PSMD12: variants seen among roughly 807,000 people sequenced by gnomAD.
PSMD12 encodes 26S proteasome non-ATPase regulatory subunit 12.
A neutral mutation model predicts 62.9 loss-of-function variants in PSMD12; 8 were observed. The observed-to-expected ratio is 0.13, with a 90% CI of 0.07 to 0.23. The LOEUF is 0.23. PSMD12 is among the 10% of genes least tolerant of loss of function. PSMD12 has a pLI of 1.00. For missense variants in PSMD12, 424 were observed against 550.2 expected, an observed-to-expected ratio of 0.77 and a Z score of 2.29; for synonymous variants, 173 against 187.4, an observed-to-expected ratio of 0.92 and a Z score of 0.63.
chr17:67,346,992 A>C (rs1026552850), intron 7 of PSMD12, 124 bp downstream of exon 7: 1 of 1,057,482 alleles, frequency 9.5e-7, no homozygotes, highest in Non-Finnish European at 1.4e-6. Flanking sequence ...ACTGAACAAC[A>C]CTGAATAGAA....
intron 9 of PSMD12, 98 bp from the exon 10 acceptor site, chr17:67,342,361 T>A (rs1052527407): frequency 3.8e-6 from 3 of 796,328 alleles, no homozygotes; most frequent in Non-Finnish European, 6.2e-6. Flanking sequence ...CTTAAAATGT[T>A]AGACTCAGAG....
chr17:67,356,995 G>A (rs1409957915), intron 3 of PSMD12, among the ~76,000 whole-genome samples: 1 of 152,128 alleles, frequency 6.6e-6, no homozygotes, highest in African/African-American at 2.4e-5. Context: ...GGGTGACAGA[G>A]TGAGACCCTG....
At position 67,347,248 on chromosome 17, in the gene PSMD12, T is replaced by G; in HGVS notation, c.663A>C (p.Lys221Asn). The change falls in exon 7 of 11, where the codon AAA becomes AAC. Residue 221 changes from lysine (K) to asparagine (N), a missense_variant and splice_region_variant. Lys to Asn is a moderately conservative substitution (Grantham distance 94). Coordinates refer to ENST00000356126, the MANE Select transcript of PSMD12 (RefSeq NM_002816.5). ...TTAAATTATAGTACTTCAACTTTAA[T>G]TTCTGCAAAAAAGTTGACAAAACAA... ...TKFFQEENTE[K>N]LKLKYYNLMI... The G allele has an allele frequency of 6.2e-7, 1 of 1,612,892 alleles. No homozygotes were observed.
rs769995079 is a variant in PSMD12, at chr17:67,357,426, G to A, written c.174C>T (p.Ser58=). 22 of 1,613,362 alleles carry A rather than the reference G, an allele frequency of 1.4e-5. No individual in the cohort carries two copies. The highest frequency in any genetic ancestry group is 1.6e-4 in the Middle Eastern group (1 of 6,078). Residue 58 remains serine, a synonymous_variant, in exon 3 of 11, where the codon TCC becomes TCT. Transcript: ENST00000356126. ...AGATACGGGATGTCGATACCATATC[G>A]GAAGCCTGTAAGGGTAAAAATATAT... is the stretch of plus-strand genomic sequence containing the variant. ...LSLEKQTRTA[S]DMVSTSRILV...
At chr17:67,345,619 G>A (rs933602272) in intron 8 of PSMD12, 126 bp downstream of exon 8, 33 of 744,110 alleles carry the variant, frequency 4.4e-5, no homozygotes, top group Non-Finnish European at 7.2e-5. Flanking sequence ...TCCAGTGTGG[G>A]CAACAATAGT....
chr17:67,340,872 T>C lies in PSMD12; in HGVS notation c.1342A>G (p.Lys448Glu). The change falls in exon 11 of 11, where the codon AAA (lysine) becomes GAA (glutamate). Residue 448 changes from lysine (K) to glutamate (E), a missense_variant. Lys to Glu is a moderately conservative substitution (Grantham distance 56, BLOSUM62 1). Coordinates refer to ENST00000356126, the MANE Select transcript of PSMD12 (RefSeq NM_002816.5). ...TGTAGATTATGTATCATCTCCTCTT[T>C]GGCTATGAGATGCGTAGTTTTGTTA... ...LVNKTTHLIAKEEMIHNLQ is the reference protein window; with the variant it reads ...LVNKTTHLIAEEEMIHNLQ 2 of 1,587,434 alleles carry C rather than the reference T, an allele frequency of 1.3e-6. No homozygotes were observed. Among genetic ancestry groups the C allele is most frequent in the East Asian group, 2.3e-5 (1 of 43,954 alleles).
chr17:67,338,946 A>G lies in PSMD12; in HGVS notation c.*1897T>C, dbSNP rs1016747637. On this transcript the variant is annotated 3_prime_UTR_variant, in exon 11 of 11. Transcript: ENST00000356126. Reference sequence around the variant, plus strand: ...TCCAGGTTTGACAAGCCCACAGGTAATGAGTCTCTAGAAAGATGAAGTTAT... The same window carrying G: ...TCCAGGTTTGACAAGCCCACAGGTAGTGAGTCTCTAGAAAGATGAAGTTAT... The G allele has an allele frequency of 6.6e-6, 1 of 152,196 alleles. No homozygotes were observed. Among genetic ancestry groups the G allele is most frequent in the Non-Finnish European group, 1.5e-5 (1 of 68,032 alleles). 9.4% of individuals were successfully genotyped at this position (152,196 alleles called of 1,614,324 possible). A position where few individuals can be genotyped will look rare whatever the true frequency, so the allele number is the denominator to read the frequency against.
At position 67,347,198 on chromosome 17, in the gene PSMD12, C is replaced by G; in HGVS notation, c.713G>C (p.Gly238Ala). ...NLMIQLDQHE[G>A]SYLSICKHYR... ...GTGCTTACAAATAGACAAATAGGAT[C>G]CCTCATGTTGATCCAGCTGAATCAT... The change falls in exon 7 of 11, where the codon GGA becomes GCA. Residue 238 changes from glycine (G) to alanine (A), a missense_variant. Physicochemically the swap from Gly to Ala is moderately conservative, Grantham distance 60. Transcript: ENST00000356126. 1 of 1,613,590 alleles carries G rather than the reference C, an allele frequency of 6.2e-7. No individual in the cohort carries two copies. The highest frequency in any genetic ancestry group is 8.5e-7 in the Non-Finnish European group (1 of 1,179,670).
At chr17:67,353,372 T>C (rs182048689) in intron 3 of PSMD12, among the ~76,000 whole-genome samples, 1 of 150,558 alleles carries the variant, frequency 6.6e-6, no homozygotes. Context: ...TAGAGTGCGA[T>C]CTTGGCTCAC....
rs2042041356 is a variant in PSMD12, at chr17:67,353,752, CATA to C, written c.298-3419_298-3417del. Among the ~76,000 whole-genome samples the C allele has an allele frequency of 3.9e-5, 6 of 152,222 alleles. No homozygotes were observed. The South Asian group carries it at 1.2e-3, about 32-fold the overall frequency. ...TAAGAACTTTCCATAGCTATGAAGA[CATA>C]ATATGTTACAGGGAAAGGAGCATGC... On this transcript the variant is annotated intron_variant, in intron 3 of 10. Transcript: ENST00000356126.
chr17:67,352,578 G>A (rs929901115), intron 3 of PSMD12, among the ~76,000 whole-genome samples: 3 of 152,158 alleles, frequency 2.0e-5, no homozygotes, highest in African/African-American at 7.2e-5. Context: ...TACATTAACA[G>A]AAATCAGATG....
rs558075035 is a variant in PSMD12, at chr17:67,343,004, A to G, written c.1084-741T>C. ...TCATCACTTTACCATTATTCCAATG[A>G]CTTAAAGATAGCTTCAAATTAAATT... On this transcript the variant is annotated intron_variant, in intron 9 of 10. Coordinates refer to ENST00000356126, the MANE Select transcript of PSMD12 (RefSeq NM_002816.5). Among the ~76,000 whole-genome samples the G allele has an allele frequency of 1.1e-3, 162 of 152,054 alleles. 4 individuals are homozygous for G. The South Asian group carries it at 0.032, about 30-fold the overall frequency.
chr17:67,363,527 T>A, intron 1 of PSMD12, among the ~76,000 whole-genome samples: 1 of 152,342 alleles, frequency 6.6e-6, no homozygotes, highest in East Asian at 1.9e-4. Context: ...AAGAACACTA[T>A]TCTTTTTACC....
At chr17:67,342,659 G>A (rs1185729483) in intron 9 of PSMD12, among the ~76,000 whole-genome samples, 3 of 151,888 alleles carry the variant, frequency 2.0e-5, no homozygotes, top group South Asian at 2.1e-4. Flanking sequence ...GAGATCGATC[G>A]GGTGCAGGGA....
At chr17:67,360,061 TCTCCACTA>T in intron 1 of PSMD12, among the ~76,000 whole-genome samples, 1 of 152,162 alleles carries the variant, frequency 6.6e-6, no homozygotes, top group African/African-American at 2.4e-5. Flanking sequence ...TCCAAAGCTC[TCTCCACTA>T]GAGTGCAGCG....
At chr17:67,346,240 A>G (rs11869964) in intron 7 of PSMD12, among the ~76,000 whole-genome samples, 31,388 of 151,956 alleles carry the variant, frequency 0.21, 3,892 homozygotes, top group South Asian at 0.32. Flanking sequence ...TAAAAAATAC[A>G]AAAAATTGGC....
At chr17:67,355,698 A>C (rs2042062201) in intron 3 of PSMD12, among the ~76,000 whole-genome samples, 1 of 152,212 alleles carries the variant, frequency 6.6e-6, no homozygotes, top group African/African-American at 2.4e-5. Flanking sequence ...CTACTTGTAC[A>C]GGGGAACATT....
chr17:67,348,112 A>T (rs1328766971), intron 5 of PSMD12, among the ~76,000 whole-genome samples: 2 of 152,154 alleles, frequency 1.3e-5, no homozygotes, highest in Non-Finnish European at 2.9e-5. Context: ...ACGTAAACAT[A>T]AGTTTTCATT....
In PSMD12 at chr17:67,350,327, T is replaced by C; in HGVS notation, c.307A>G (p.Lys103Glu). 6.3e-7 allele frequency: 1 copy of C among 1,599,816 alleles called. No individual in the cohort carries two copies. Among genetic ancestry groups the C allele is most frequent in the Non-Finnish European group, 8.5e-7 (1 of 1,174,540 alleles). The change falls in exon 4 of 11, where the codon AAA becomes GAA. Residue 103 changes from lysine to glutamate, a missense_variant. Physicochemically the swap from Lys to Glu is moderately conservative, Grantham distance 56 (BLOSUM62 1). Coordinates refer to ENST00000356126, the MANE Select transcript of PSMD12 (RefSeq NM_002816.5). ...TAAGTACAGCACTGTTGAACCATTT[T>C]GGCAACAGCCTAAAATATTAAAAAC... is the stretch of plus-strand genomic sequence containing the variant. ...RRSQLKQAVA[K>E]MVQQCCTYVE...
Sources: allele counts gnomAD v4.1 joint callset (sites outside exome capture counted in the v4.1 genomes callset), GRCh38; gene constraint gnomAD v4.1.1; transcripts MANE v1.5; gene names NCBI Gene and HGNC (gene_info 2026-07-23, HGNC 2026-07-21).